GRM5: variants seen among roughly 807,000 people sequenced by gnomAD.
The protein encoded by GRM5 is glutamate metabotropic receptor 5.
A neutral mutation model predicts 83.1 loss-of-function variants in GRM5; 19 were observed. That is an observed-to-expected ratio of 0.23 (90% confidence interval 0.16 to 0.34). The LOEUF (loss-of-function observed/expected upper bound fraction) is 0.34. GRM5 is among the 10% of genes least tolerant of loss of function. GRM5 has a pLI of 1.00. For missense variants in GRM5, 1,160 were observed against 1,588.3 expected, an observed-to-expected ratio of 0.73 and a Z score of 4.58; for synonymous variants, 675 against 633.6, an observed-to-expected ratio of 1.07 and a Z score of -0.98.
At chr11:88,801,611 A>G (rs1943395558) in intron 3 of GRM5, among the ~76,000 whole-genome samples, 1 of 152,156 alleles carries the variant, frequency 6.6e-6, no homozygotes, top group Non-Finnish European at 1.5e-5. Flanking sequence ...CAAAACCCAC[A>G]AACATAAATT....
At chr11:88,967,401 T>G (rs1444500939) in intron 2 of GRM5, among the ~76,000 whole-genome samples, 1 of 137,460 alleles carries the variant, frequency 7.3e-6, no homozygotes, top group African/African-American at 2.7e-5. Context: ...CACGGATAAA[T>G]TATAATGAAC....
In GRM5 at chr11:88,700,646, C is replaced by A. The variant is rs961469141; in HGVS notation, c.912-47243G>T. Reference sequence around the variant, plus strand: ...AGGGTCTCAGCTAGAACCACTATGGCAGCTCATAGAGTAATCTACCACCAT... The same window carrying A: ...AGGGTCTCAGCTAGAACCACTATGGAAGCTCATAGAGTAATCTACCACCAT... On this transcript the variant is annotated intron_variant, in intron 3 of 9. Transcript: ENST00000305447. 2.0e-5 allele frequency among the ~76,000 whole-genome samples: 3 copies of A among 152,164 alleles called. No individual in the cohort carries two copies. In the East Asian group the frequency reaches 5.8e-4, roughly 29 times the overall value.
chr11:88,756,103 T>G (rs968108198), intron 3 of GRM5, among the ~76,000 whole-genome samples: 3 of 152,174 alleles, frequency 2.0e-5, no homozygotes, highest in Admixed American at 1.3e-4. Context: ...GATCCATAAA[T>G]TTTTGCCTCC....
At chr11:88,865,527 A>C (rs1416724083) in intron 2 of GRM5, among the ~76,000 whole-genome samples, 1 of 151,802 alleles carries the variant, frequency 6.6e-6, no homozygotes, top group Non-Finnish European at 1.5e-5. Context: ...AAAACACCAA[A>C]AGCAATGGCA....
rs187248175 is a variant in GRM5, at chr11:88,643,026, C to G, written c.1147+10142G>C. Among the ~76,000 whole-genome samples the G allele has an allele frequency of 2.8e-3, 420 of 152,070 alleles. 2 individuals carry two copies. Among genetic ancestry groups the G allele is most frequent in the African/African-American group, 9.6e-3 (399 of 41,486 alleles). ...ATAGCAATGTCCCACTCCTTGATAC[C>G]AATTTCCTGTGTTAGGTCATTTTTA... On this transcript the variant is annotated intron_variant, in intron 4 of 9. Coordinates refer to ENST00000305447, the MANE Select transcript of GRM5 (RefSeq NM_001143831.3).
intron 3 of GRM5, among the ~76,000 whole-genome samples, chr11:88,775,164 C>CT (rs1381296129): frequency 6.6e-5 from 10 of 152,248 alleles, no homozygotes; most frequent in African/African-American, 2.4e-4. Flanking sequence ...CTGGTTTAGT[C>CT]TTGGGAGCGT....
At chr11:88,761,906 C>A (rs1412441003) in intron 3 of GRM5, among the ~76,000 whole-genome samples, 1 of 151,840 alleles carries the variant, frequency 6.6e-6, no homozygotes, top group South Asian at 2.1e-4. Flanking sequence ...CACTTACAAC[C>A]ATCTGATCTT....
chr11:88,853,359 C>A (rs1944419917), intron 2 of GRM5, among the ~76,000 whole-genome samples: 1 of 151,964 alleles, frequency 6.6e-6, no homozygotes, highest in Admixed American at 6.6e-5. Context: ...GAGGTAGATG[C>A]AGGGAAAGTT....
intron 3 of GRM5, among the ~76,000 whole-genome samples, chr11:88,802,984 T>G (rs926406281): frequency 7.1e-6 from 1 of 141,358 alleles, no homozygotes; most frequent in Admixed American, 6.9e-5. Flanking sequence ...ACAAGGGACA[T>G]GAAGGAACTC....
At chr11:88,757,742 GTGTGAACCCCACCA>G (rs1357462444) in intron 3 of GRM5, among the ~76,000 whole-genome samples, 1 of 152,160 alleles carries the variant, frequency 6.6e-6, no homozygotes, top group African/African-American at 2.4e-5. Flanking sequence ...CAGTCAATGA[GTGTGAACCCCACCA>G]TGCTACCTCT....
chr11:88,681,119 A>G (rs559451402), intron 3 of GRM5, among the ~76,000 whole-genome samples: 5 of 152,140 alleles, frequency 3.3e-5, no homozygotes, highest in African/African-American at 9.6e-5. Context: ...CAGTATTTCA[A>G]TTTTTCTCAT....
In GRM5 at chr11:88,967,248, C is replaced by CATATATATATATATATATACACATAT. The variant is rs1939008249; in HGVS notation, c.661+79963_661+79964insATATGTGTATATATATATATATATAT. 5.6e-5 allele frequency among the ~76,000 whole-genome samples: 8 copies of CATATATATATATATATATACACATAT among 141,680 alleles called. No individual in the cohort carries two copies. In the Admixed American group the frequency reaches 5.7e-4, roughly 10 times the overall value. The allele number at this position is 141,680 out of a possible 152,430, so 92.9% of individuals were successfully genotyped here. On this transcript the variant is annotated intron_variant, in intron 2 of 9. Coordinates refer to ENST00000305447, the MANE Select transcript of GRM5 (RefSeq NM_001143831.3). ...GTGTGTATGTATATATATATATACACATATATATATATATATATATATATA... is the reference window on the plus strand; with the variant it reads ...GTGTGTATGTATATATATATATACACATATATATATATATATATACACATATATATATATATATATATATATATATA...
At chr11:88,736,921 C>T (rs1591477811) in intron 3 of GRM5, among the ~76,000 whole-genome samples, 2 of 152,184 alleles carry the variant, frequency 1.3e-5, no homozygotes, top group African/African-American at 2.4e-5. Flanking sequence ...TGCTGTGCCT[C>T]AGCAGGCTTG....
chr11:89,060,132 A>G (rs544620958), intron 1 of GRM5, among the ~76,000 whole-genome samples: 1 of 152,194 alleles, frequency 6.6e-6, no homozygotes, highest in Admixed American at 6.6e-5. Flanking sequence ...TTGTTTAGCC[A>G]CACCACAGAG....
intron 7 of GRM5, among the ~76,000 whole-genome samples, chr11:88,575,165 GGTAACTGC>G (rs1293535607): frequency 3.9e-5 from 6 of 151,974 alleles, no homozygotes; most frequent in Non-Finnish European, 8.8e-5. Flanking sequence ...AAGTTTTATT[GGTAACTGC>G]CTCAACAGGA....
intron 4 of GRM5, among the ~76,000 whole-genome samples, chr11:88,649,824 G>T (rs924733650): frequency 6.6e-6 from 1 of 151,558 alleles, no homozygotes; most frequent in African/African-American, 2.4e-5. Context: ...AAATTTCCTC[G>T]GGCTGAAAGA....
chr11:88,563,620 A>T (rs988779378), intron 8 of GRM5, among the ~76,000 whole-genome samples: 11 of 152,188 alleles, frequency 7.2e-5, no homozygotes, highest in African/African-American at 2.7e-4. Context: ...CCAAAGACCT[A>T]CATCCAGAGA....
intron 3 of GRM5, among the ~76,000 whole-genome samples, chr11:88,682,105 A>T: frequency 6.6e-6 from 1 of 152,222 alleles, no homozygotes; most frequent in East Asian, 1.9e-4. Context: ...ACTGATTTTA[A>T]GTAACTGAGA....
intron 2 of GRM5, among the ~76,000 whole-genome samples, chr11:88,957,306 T>C (rs1438138802): frequency 1.3e-5 from 2 of 152,208 alleles, no homozygotes; most frequent in Non-Finnish European, 2.9e-5. Context: ...GAGAAGAGAC[T>C]AAAGAACATG....
Sources: gnomAD v4.1 joint callset for allele counts (sites outside exome capture counted in the v4.1 genomes callset) on GRCh38, gnomAD v4.1.1 for gene constraint, MANE v1.5 for transcripts, NCBI Gene and HGNC (gene_info 2026-07-23, HGNC 2026-07-21) for gene names.